Variants in CLPP observed in about 807,000 individuals in gnomAD.
CLPP encodes the protein caseinolytic mitochondrial matrix peptidase proteolytic subunit.
A neutral mutation model predicts 27.4 loss-of-function variants in CLPP; 14 were observed. The ratio of observed to expected loss-of-function variants is 0.51; its 90% CI spans 0.34 to 0.80. The LOEUF is 0.80. CLPP is among the 30% of genes least tolerant of loss of function. CLPP has a pLI of 0.02. For missense variants in CLPP, 361 were observed against 403.6 expected, an observed-to-expected ratio of 0.89 and a Z score of 0.90; for synonymous variants, 193 against 166.6, an observed-to-expected ratio of 1.16 and a Z score of -1.22.
Position 6,361,660 on chromosome 19 carries a change from C to T in CLPP, c.86C>T (p.Pro29Leu). The T allele has an allele frequency of 7.0e-7, 1 of 1,434,136 alleles. No homozygotes were observed. The highest frequency in any genetic ancestry group is 9.1e-7 in the Non-Finnish European group (1 of 1,094,942). The allele number at this position is 1,434,136 out of a possible 1,614,324, so 88.8% of individuals were successfully genotyped here. Residue 29 changes from proline (P) to leucine (L), a missense_variant, in exon 1 of 6, where the codon CCA becomes CTA. Pro to Leu is a moderately conservative substitution (Grantham distance 98, BLOSUM62 -3). Transcript: ENST00000245816. The stretch of plus-strand genomic sequence containing the variant: ...GGGCCTCGCCTCGCCGCTCACTTTC[C>T]AGCGCAGCGGCCGCCGCAGCGGACA... The part of the protein sequence containing the change: ...ALGPRLAAHF[P>L]AQRPPQRTLQ...
At position 6,361,696 on chromosome 19, in the gene CLPP, G is replaced by T; in HGVS notation, c.122G>T (p.Gly41Val). The T allele has an allele frequency of 6.7e-7, 1 of 1,498,324 alleles. No homozygotes were observed. Among genetic ancestry groups the T allele is most frequent in the South Asian group, 1.3e-5 (1 of 77,868 alleles). The allele number at this position is 1,498,324 out of a possible 1,614,324, so 92.8% of individuals were successfully genotyped here. A position where few individuals can be genotyped will look rare whatever the true frequency, so the allele number is the denominator to read the frequency against. The change falls in exon 1 of 6, where the codon GGC (glycine) becomes GTC (valine). Residue 41 changes from glycine (G) to valine (V), a missense_variant. By Grantham distance (109) the Gly-to-Val change is moderately radical. Transcript: ENST00000245816. The stretch of plus-strand genomic sequence containing the variant: ...CCGCCGCAGCGGACACTCCAGAACG[G>T]CCTGGCCCTGCAGCGGTGCCTGCAC... Reference protein sequence around the residue: ...QRPPQRTLQNGLALQRCLHAT... With the variant: ...QRPPQRTLQNVLALQRCLHAT...
At chr19:6,365,963 A>C (rs2145052735) in intron 4 of CLPP, among the ~76,000 whole-genome samples, 1 of 151,544 alleles carries the variant, frequency 6.6e-6, no homozygotes, top group African/African-American at 2.4e-5. Flanking sequence ...AAAAAAAAAA[A>C]CAAAAAACAA....
chr19:6,362,149 T>A, intron 2 of CLPP: 1 of 603,230 alleles, frequency 1.7e-6, no homozygotes, highest in East Asian at 2.8e-5. Context: ...ATCTCCGACT[T>A]CCTTCCTGAC....
chr19:6,364,731 GTTT>G (rs371513262), intron 4 of CLPP, 92 bp downstream of exon 4: 468 of 865,688 alleles, frequency 5.4e-4, no homozygotes, highest in East Asian at 9.6e-4. Context: ...GGGAGGGGAT[GTTT>G]TTTTTTTTTT....
At chr19:6,366,749 C>T (rs1023464516) in intron 5 of CLPP, among the ~76,000 whole-genome samples, 3 of 151,978 alleles carry the variant, frequency 2.0e-5, no homozygotes, top group Admixed American at 6.6e-5. Context: ...AGCAATTCTC[C>T]TGCCTCAGCC....
At position 6,361,595 on chromosome 19, in the gene CLPP, A is replaced by G. The variant is rs1300224895; in HGVS notation, c.21A>G (p.Val7=). 7.1e-7 allele frequency: 1 copy of G among 1,412,486 alleles called. No homozygotes were observed. The highest frequency in any genetic ancestry group is 1.5e-5 in the African/African-American group (1 of 65,916). 87.5% of individuals were successfully genotyped at this position (1,412,486 alleles called of 1,614,324 possible). Residue 7 remains valine, a synonymous_variant, in exon 1 of 6, where the codon GTA becomes GTG. Transcript: ENST00000245816. ...GAGGGATGTGGCCCGGAATATTGGT[A>G]GGGGGGGCCCGGGTGGCGTCATGCA... The part of the protein sequence containing the change: MWPGIL[V]GGARVASCRY...
Position 6,361,722 on chromosome 19 carries a change from G to A in CLPP, c.148G>A (p.Ala50Thr), listed in dbSNP as rs1289950914. ...NGLALQRCLH[A>T]TATRALPLIP... is the part of the protein sequence containing the mutation. ...CCTGGCCCTGCAGCGGTGCCTGCACGCGACGGCGACCCGGGCTCTCCCGCT... is the reference window on the plus strand; with the variant it reads ...CCTGGCCCTGCAGCGGTGCCTGCACACGACGGCGACCCGGGCTCTCCCGCT... The change falls in exon 1 of 6, where the codon GCG becomes ACG. Residue 50 changes from alanine (A) to threonine (T), a missense_variant. Physicochemically the swap from Ala to Thr is moderately conservative, Grantham distance 58. Transcript: ENST00000245816. 8.0e-6 allele frequency: 12 copies of A among 1,505,482 alleles called. No individual in the cohort carries two copies. Among genetic ancestry groups the A allele is most frequent in the Non-Finnish European group, 8.0e-6 (9 of 1,130,620 alleles). The allele number at this position is 1,505,482 out of a possible 1,614,324, so 93.3% of individuals were successfully genotyped here.
At position 6,366,275 on chromosome 19, in the gene CLPP, T is replaced by G; in HGVS notation, c.573T>G (p.Ile191Met). The G allele has an allele frequency of 6.2e-7, 1 of 1,611,828 alleles. No homozygotes were observed. The highest frequency in any genetic ancestry group is 8.5e-7 in the Non-Finnish European group (1 of 1,178,904). Residue 191 changes from isoleucine (I) to methionine (M), a missense_variant, in exon 5 of 6, where the codon ATT (isoleucine) becomes ATG (methionine). Physicochemically the swap from Ile to Met is conservative, Grantham distance 10. Coordinates refer to ENST00000245816, the MANE Select transcript of CLPP (RefSeq NM_006012.4). ...TCCCTCAGGGCCAAGCCACAGACAT[T>G]GCCATCCAGGCAGAGGAGATCATGA... is the stretch of plus-strand genomic sequence containing the variant. ...SGGARGQATD[I>M]AIQAEEIMKL... is the part of the protein sequence containing the mutation.
In CLPP at chr19:6,370,049, A is replaced by G. The variant is rs1459888696; in HGVS notation, c.*1339A>G. Among the ~76,000 whole-genome samples the G allele has an allele frequency of 6.6e-6, 1 of 152,156 alleles. No homozygotes were observed. Among genetic ancestry groups the G allele is most frequent in the African/African-American group, 2.4e-5 (1 of 41,432 alleles). On this transcript the variant is annotated 3_prime_UTR_variant, in exon 6 of 6. Transcript: ENST00000245816. ...AGCTAGGTGGGATGTGACAGAGAGC[A>G]GTTTCCAGAAACTCCGAGCTGATGG...
chr19:6,369,047 CA>C lies in CLPP; in HGVS notation c.*338del, dbSNP rs910587241. The C allele has an allele frequency of 1.3e-4, 31 of 239,924 alleles. No homozygotes were observed. Among genetic ancestry groups the C allele is most frequent in the Admixed American group, 5.1e-5 (1 of 19,506 alleles). The allele number at this position is 239,924 out of a possible 1,614,324, so 14.9% of individuals were successfully genotyped here. On this transcript the variant is annotated 3_prime_UTR_variant, in exon 6 of 6. Transcript: ENST00000245816. Reference sequence around the variant, plus strand: ...ATTCTCCTGATCATATCCTATATTCCAGGCAGTGTTCTTTTGTGAAGAAGAC... The same window carrying C: ...ATTCTCCTGATCATATCCTATATTCCGGCAGTGTTCTTTTGTGAAGAAGAC...
rs1204317673 is a variant in CLPP, at chr19:6,361,833, T to TG, written c.199-35dup. Reference sequence around the variant, plus strand: ...CCGGGCTGGGTGGGGATCGGCTGGCTGCCCCGGCCCCTCACCTCCATCTTT... The same window carrying TG: ...CCGGGCTGGGTGGGGATCGGCTGGCTGGCCCCGGCCCCTCACCTCCATCTTT... On this transcript the variant is annotated intron_variant, in intron 1 of 5. Coordinates refer to ENST00000245816, the MANE Select transcript of CLPP (RefSeq NM_006012.4). 5 of 1,361,702 alleles carry TG rather than the reference T, an allele frequency of 3.7e-6. No individual in the cohort carries two copies. The African/African-American group carries it at 9.5e-5, about 26-fold the overall frequency. The allele number at this position is 1,361,702 out of a possible 1,614,324, so 84.4% of individuals were successfully genotyped here.
At chr19:6,366,827 C>T (rs1246690720) in intron 5 of CLPP, among the ~76,000 whole-genome samples, 2 of 151,752 alleles carry the variant, frequency 1.3e-5, no homozygotes, top group African/African-American at 2.4e-5. Context: ...GACGTGGTTT[C>T]ACCATGTTGC....
At chr19:6,362,859 G>A (rs964050132) in intron 3 of CLPP, among the ~76,000 whole-genome samples, 1 of 151,990 alleles carries the variant, frequency 6.6e-6, no homozygotes, top group African/African-American at 2.4e-5. Context: ...AGGCTGAGGC[G>A]GGCGGATTGC....
rs2091841976 is a variant in CLPP, at chr19:6,362,673, C to T, written c.367+131C>T. On this transcript the variant is annotated intron_variant, in intron 3 of 5. Transcript: ENST00000245816. Reference sequence around the variant, plus strand: ...CAGAGCGTCAGAGTTCCAGAAGTGGCTTTAAACCACCAAAAGGTGCCTGTT... The same window carrying T: ...CAGAGCGTCAGAGTTCCAGAAGTGGTTTTAAACCACCAAAAGGTGCCTGTT... 4 of 665,078 alleles carry T rather than the reference C, an allele frequency of 6.0e-6. No homozygotes were observed. In the East Asian group the frequency reaches 1.1e-4, roughly 18 times the overall value. The allele number at this position is 665,078 out of a possible 1,614,324, so 41.2% of individuals were successfully genotyped here. A position where few individuals can be genotyped will look rare whatever the true frequency, so the allele number is the denominator to read the frequency against.
At chr19:6,363,367 C>G (rs1418208719) in intron 3 of CLPP, among the ~76,000 whole-genome samples, 5 of 152,040 alleles carry the variant, frequency 3.3e-5, no homozygotes, top group Non-Finnish European at 7.4e-5. Context: ...AAGTGATCCA[C>G]CCGCCTCAGC....
intron 3 of CLPP, among the ~76,000 whole-genome samples, chr19:6,362,779 C>A (rs993356325): frequency 2.0e-5 from 3 of 152,138 alleles, no homozygotes; most frequent in Admixed American, 1.3e-4. Context: ...CCTGACCCGG[C>A]TGACATTTAA....
Position 6,361,774 on chromosome 19 carries a change from T to TACGGC in CLPP, c.198+3_198+7dup, listed in dbSNP as rs2145047775. 6.4e-7 allele frequency: 1 copy of TACGGC among 1,551,744 alleles called. No individual in the cohort carries two copies. Among genetic ancestry groups the TACGGC allele is most frequent in the Non-Finnish European group, 8.6e-7 (1 of 1,156,360 alleles). On this transcript the variant is annotated splice_region_variant and intron_variant, in intron 1 of 5. Transcript: ENST00000245816. Reference sequence around the variant, plus strand: ...ATTCCCATCGTGGTGGAGCAGACGGTACGGCGGCCGGGCGGGGACACGGTT... The same window carrying TACGGC: ...ATTCCCATCGTGGTGGAGCAGACGGTACGGCACGGCGGCCGGGCGGGGACACGGTT...
chr19:6,366,178 G>T, intron 4 of CLPP, 80 bp from the exon 5 acceptor site: 1 of 915,506 alleles, frequency 1.1e-6, no homozygotes, highest in South Asian at 1.4e-5. Flanking sequence ...GGAAGCTCCT[G>T]AGTGCCACCT....
In CLPP at chr19:6,364,631, G is replaced by A. The variant is rs1302004833; in HGVS notation, c.547G>A (p.Gly183Ser). 5 of 1,610,252 alleles carry A rather than the reference G, an allele frequency of 3.1e-6. No individual in the cohort carries two copies. The African/African-American group carries it at 6.7e-5, about 21-fold the overall frequency. Residue 183 changes from glycine to serine, a missense_variant, in exon 4 of 6, where the codon GGC (glycine) becomes AGC (serine). Physicochemically the swap from Gly to Ser is moderately conservative, Grantham distance 56. This residue lies in a region of CLPP where 213 missense variants were observed against 280.9 expected (regional missense o/e 0.76). Transcript: ENST00000245816. The part of the protein sequence containing the change: ...SRIMIHQPSG[G>S]ARGQATDIAI... ...TATCATGATCCACCAGCCCTCAGGA[G>A]GCGCCCGGGTGAGTGCCAGACACGC...
Sources: gnomAD v4.1 joint callset for allele counts (sites outside exome capture counted in the v4.1 genomes callset) on GRCh38, gnomAD v4.1.1 for gene constraint, gnomAD v4.1.1 regional missense constraint, MANE v1.5 for transcripts, NCBI Gene and HGNC (gene_info 2026-07-23, HGNC 2026-07-21) for gene names.